The following PLEKHA8 variants were observed in gnomAD, a reference collection of about 807,000 sequenced individuals.
PLEKHA8 encodes pleckstrin homology domain containing A8.
A neutral mutation model predicts 68.2 loss-of-function variants in PLEKHA8; 36 were observed. That is an observed-to-expected ratio of 0.53 (90% CI 0.40 to 0.70). The LOEUF is 0.70. Ranked by LOEUF, PLEKHA8 falls within the 30% of genes least tolerant of loss-of-function variation. The pLI is 0.00. For missense variants in PLEKHA8, 505 were observed against 615.4 expected, an observed-to-expected ratio of 0.82 and a Z score of 1.90; for synonymous variants, 211 against 216.1, an observed-to-expected ratio of 0.98 and a Z score of 0.20.
chr7:30,094,595 G>A (rs538004214), downstream of PLEKHA8, among the ~76,000 whole-genome samples: 2 of 151,920 alleles, frequency 1.3e-5, no homozygotes, highest in African/African-American at 2.4e-5. Context: ...CATGTGCCAT[G>A]TTGGTGTGCT....
Position 30,079,203 on chromosome 7 carries a change from AT to A in PLEKHA8, c.*419del. Reference sequence around the variant, plus strand: ...GTGTTTCAGCCAACTTAGACTAGACATTTGGAGGTAGTATAAGCTGCTTTGT... The same window carrying A: ...GTGTTTCAGCCAACTTAGACTAGACATTGGAGGTAGTATAAGCTGCTTTGT... On this transcript the variant is annotated 3_prime_UTR_variant, in exon 14 of 14. Coordinates refer to ENST00000449726, the MANE Select transcript of PLEKHA8 (RefSeq NM_001197026.2). 1.0e-6 allele frequency: 1 copy of A among 1,004,918 alleles called. No individual in the cohort carries two copies. Among genetic ancestry groups the A allele is most frequent in the Non-Finnish European group, 1.2e-6 (1 of 841,624 alleles). 62.3% of individuals were successfully genotyped at this position (1,004,918 alleles called of 1,614,324 possible). A position where few individuals can be genotyped will look rare whatever the true frequency, so the allele number is the denominator to read the frequency against.
chr7:30,076,769 A>T (rs190230587), intron 13 of PLEKHA8, among the ~76,000 whole-genome samples: 2 of 152,164 alleles, frequency 1.3e-5, no homozygotes, highest in African/African-American at 4.8e-5. Context: ...TTTTCACCCT[A>T]TTACTCTCCA....
intron 9 of PLEKHA8, among the ~76,000 whole-genome samples, chr7:30,056,310 C>CTATATATATA (rs1162112994): frequency 8.5e-4 from 61 of 72,178 alleles, no homozygotes; most frequent in East Asian, 3.9e-3. Flanking sequence ...CTCTCTCTCT[C>CTATATATATA]TCTATATATA....
chr7:30,078,840 G>T lies in PLEKHA8; in HGVS notation c.*53G>T. 6.4e-7 allele frequency: 1 copy of T among 1,572,046 alleles called. No individual in the cohort carries two copies. The highest frequency in any genetic ancestry group is 8.6e-7 in the Non-Finnish European group (1 of 1,157,862). On this transcript the variant is annotated 3_prime_UTR_variant, in exon 14 of 14. Transcript: ENST00000449726. The stretch of plus-strand genomic sequence containing the variant: ...CAGGGAATAAGTGCTAAAGTGTTTT[G>T]TTGCCCTACTTAATTTCCAGCAACA...
At position 30,082,824 on chromosome 7, in the gene PLEKHA8, G is replaced by A; in HGVS notation, c.*4037G>A. The A allele has an allele frequency of 2.0e-6, 2 of 985,360 alleles. No individual in the cohort carries two copies. The highest frequency in any genetic ancestry group is 2.4e-6 in the Non-Finnish European group (2 of 829,906). 61.0% of individuals were successfully genotyped at this position (985,360 alleles called of 1,614,324 possible). The stretch of plus-strand genomic sequence containing the variant: ...AACATCAGATCAGGCAATAGAGTCA[G>A]AGGGTCATGAGCAATAGACGATGAT... On this transcript the variant is annotated 3_prime_UTR_variant, in exon 14 of 14. Transcript: ENST00000449726.
intron 2 of PLEKHA8, among the ~76,000 whole-genome samples, chr7:30,045,520 C>T (rs1791884682): frequency 6.6e-6 from 1 of 152,202 alleles, no homozygotes; most frequent in Admixed American, 6.5e-5. Flanking sequence ...CAGCATCAAA[C>T]ACTTTTGTGT....
intron 13 of PLEKHA8, chr7:30,129,120 A>G: frequency 8.9e-7 from 1 of 1,126,186 alleles, no homozygotes; most frequent in African/African-American, 1.5e-5. Flanking sequence ...TTCCTTAGCA[A>G]TAAGATTCTG....
At chr7:30,060,734 G>A (rs1793371828) in intron 9 of PLEKHA8, 150 bp from the exon 10 acceptor site, 2 of 631,116 alleles carry the variant, frequency 3.2e-6, no homozygotes, top group East Asian at 6.0e-5. Flanking sequence ...ATAGTATCCT[G>A]GGAGCTTTTG....
intron 13 of PLEKHA8, among the ~76,000 whole-genome samples, chr7:30,118,768 G>A (rs1286788449): frequency 1.3e-5 from 2 of 152,040 alleles, no homozygotes; most frequent in African/African-American, 2.4e-5. Context: ...TAGTAGAGAC[G>A]GGGTTTCACC....
chr7:30,062,392 C>T (rs2127989008), intron 11 of PLEKHA8, among the ~76,000 whole-genome samples: 1 of 152,234 alleles, frequency 6.6e-6, no homozygotes, highest in African/African-American at 2.4e-5. Context: ...CCAGAATTTG[C>T]ATTTCTAGCA....
downstream of PLEKHA8, among the ~76,000 whole-genome samples, chr7:30,088,802 G>A (rs1334300427): frequency 6.6e-6 from 1 of 152,092 alleles, no homozygotes; most frequent in Non-Finnish European, 1.5e-5. Flanking sequence ...AGAGGGGATT[G>A]GCAAGATGCA....
Position 30,045,065 on chromosome 7 carries a change from G to T in PLEKHA8, c.41-20G>T, listed in dbSNP as rs1791842472. On this transcript the variant is annotated intron_variant, in intron 1 of 13. Coordinates refer to ENST00000449726, the MANE Select transcript of PLEKHA8 (RefSeq NM_001197026.2). Reference sequence around the variant, plus strand: ...ATACACAGGCAGTAATTGCAATGATGCTCTTGCTTTTGTTTTCAGGTTGGC... The same window carrying T: ...ATACACAGGCAGTAATTGCAATGATTCTCTTGCTTTTGTTTTCAGGTTGGC... 6.5e-7 allele frequency: 1 copy of T among 1,537,720 alleles called. No homozygotes were observed. Among genetic ancestry groups the T allele is most frequent in the Admixed American group, 1.8e-5 (1 of 56,004 alleles).
chr7:30,108,477 T>C (rs961680700), intron 13 of PLEKHA8, among the ~76,000 whole-genome samples: 3 of 152,224 alleles, frequency 2.0e-5, no homozygotes. Context: ...CTGGGTTTAA[T>C]GGGTTTTATT....
At chr7:30,084,795 A>C, downstream of PLEKHA8, 5 of 323,398 alleles carry the variant, frequency 1.5e-5, no homozygotes, top group Non-Finnish European at 2.2e-5. Flanking sequence ...TAATAACTCC[A>C]TGGGGCAGGT....
intron 9 of PLEKHA8, among the ~76,000 whole-genome samples, chr7:30,056,367 A>T (rs1333484016): frequency 1.4e-5 from 2 of 142,174 alleles, no homozygotes; most frequent in Non-Finnish European, 3.0e-5. Flanking sequence ...ACACATATAT[A>T]TATAAATAAC....
At chr7:30,041,419 ATTTTTT>A (rs59541222) in intron 1 of PLEKHA8, among the ~76,000 whole-genome samples, 1 of 120,190 alleles carries the variant, frequency 8.3e-6, no homozygotes, top group Non-Finnish European at 1.7e-5. Flanking sequence ...TACCAGCTAC[ATTTTTT>A]TTTTTTTTTT....
chr7:30,080,112 T>C lies in PLEKHA8; in HGVS notation c.*1325T>C, dbSNP rs1266742964. On this transcript the variant is annotated 3_prime_UTR_variant, in exon 14 of 14. Transcript: ENST00000449726. ...CACCAAAAGTGCAGAGCAGGCAAAA[T>C]GCAGCTGTTTATCAATCTCAAAAGC... The C allele has an allele frequency of 3.2e-5, 32 of 985,258 alleles. No homozygotes were observed. Among genetic ancestry groups the C allele is most frequent in the Non-Finnish European group, 3.9e-5 (32 of 829,936 alleles). The allele number at this position is 985,258 out of a possible 1,614,324, so 61.0% of individuals were successfully genotyped here.
intron 9 of PLEKHA8, among the ~76,000 whole-genome samples, chr7:30,056,277 A>ATT (rs1562869646): frequency 4.6e-5 from 2 of 43,484 alleles, no homozygotes; most frequent in African/African-American, 1.5e-4. Flanking sequence ...TTAAAGATAT[A>ATT]TTCTCTCTCT....
intron 7 of PLEKHA8, among the ~76,000 whole-genome samples, chr7:30,053,321 G>A (rs866360427): frequency 2.6e-5 from 4 of 152,120 alleles, no homozygotes; most frequent in African/African-American, 4.8e-5. Flanking sequence ...CACATTTCAG[G>A]TAATAGGTTT....
Sources: allele counts gnomAD v4.1 joint callset (sites outside exome capture counted in the v4.1 genomes callset), GRCh38; gene constraint gnomAD v4.1.1; transcripts MANE v1.5; gene names NCBI Gene and HGNC (gene_info 2026-07-23, HGNC 2026-07-21).